Variants in ZNF385D observed in about 807,000 individuals in gnomAD.
ZNF385D encodes zinc finger protein 659.
In ZNF385D, 15 loss-of-function variants were observed where a neutral mutation model predicts 35.8. That is an observed-to-expected ratio of 0.42 (90% confidence interval 0.28 to 0.64). ZNF385D has a LOEUF of 0.64. Ranked by LOEUF, ZNF385D falls within the 30% of genes least tolerant of loss-of-function variation. The probability of loss-of-function intolerance (pLI) is 0.23; values close to 1 mark genes in which losing one functional copy is unlikely to be tolerated. For missense variants in ZNF385D, 474 were observed against 494.6 expected (o/e 0.96, Z 0.39); for synonymous variants, 212 against 186.8 (o/e 1.13, Z -1.10).
chr3:22,170,308 A>G (rs1694324871), intron 2 of ZNF385D, among the ~76,000 whole-genome samples: 1 of 152,226 alleles, frequency 6.6e-6, no homozygotes, highest in African/African-American at 2.4e-5. Flanking sequence ...TACAAAAGCC[A>G]TGGACTTTGG....
rs74499583 is a variant in ZNF385D at position 22,075,127 on chromosome 3, T to C, written c.325+93690A>G. On this transcript the variant is annotated intron_variant, in intron 3 of 5. Transcript: ENST00000494108. ...AGCTGGTATGGGATTGGCCCAAGCA[T>C]TGATACTTTCTAAATCTTTCCAAAA... Among the ~76,000 whole-genome samples the C allele has an allele frequency of 7.4e-4, 113 of 152,044 alleles. 1 individual carries two copies. The highest frequency in any genetic ancestry group is 2.4e-3 in the African/African-American group (100 of 41,528).
At chr3:21,981,550 A>C (rs1301357722) in intron 3 of ZNF385D, among the ~76,000 whole-genome samples, 1 of 152,098 alleles carries the variant, frequency 6.6e-6, no homozygotes, top group African/African-American at 2.4e-5. Context: ...TGCTGTGCAG[A>C]TGCTCTTAAC....
chr3:22,169,778 T>C (rs1164544028), intron 2 of ZNF385D, among the ~76,000 whole-genome samples: 1 of 152,142 alleles, frequency 6.6e-6, no homozygotes, highest in African/African-American at 2.4e-5. Flanking sequence ...AATTTCAGTA[T>C]CTCTGGCCTT....
intron 3 of ZNF385D, among the ~76,000 whole-genome samples, chr3:21,862,879 T>A (rs771086294): frequency 2.6e-5 from 4 of 152,164 alleles, no homozygotes; most frequent in African/African-American, 4.8e-5. Context: ...ACAAGTGGTC[T>A]CAGCTGTTTC....
chr3:21,869,663 AAC>A (rs917942974), intron 3 of ZNF385D, among the ~76,000 whole-genome samples: 66 of 152,276 alleles, frequency 4.3e-4, no homozygotes, highest in African/African-American at 1.2e-3. Flanking sequence ...AAAATAGCGT[AAC>A]ACAGTTAGCT....
chr3:22,224,434 C>G (rs1318009426), intron 2 of ZNF385D, among the ~76,000 whole-genome samples: 2 of 152,114 alleles, frequency 1.3e-5, no homozygotes, highest in Non-Finnish European at 2.9e-5. Context: ...GATTCTATCT[C>G]TCTGTATTAT....
At chr3:21,676,203 G>A (rs929890515) in intron 1 of ZNF385D, among the ~76,000 whole-genome samples, 13 of 152,050 alleles carry the variant, frequency 8.5e-5, no homozygotes, top group African/African-American at 3.1e-4. Context: ...TAGCTTCCAA[G>A]GTTTAGGAAC....
chr3:22,138,570 G>A (rs1704302047), intron 3 of ZNF385D, among the ~76,000 whole-genome samples: 2 of 151,152 alleles, frequency 1.3e-5, no homozygotes, highest in Non-Finnish European at 3.0e-5. Flanking sequence ...ATGGGGAAAG[G>A]ATTCCTTATT....
chr3:22,206,637 T>C lies in ZNF385D; in HGVS notation c.107-37602A>G, dbSNP rs150101105. 4.1e-4 allele frequency among the ~76,000 whole-genome samples: 63 copies of C among 151,960 alleles called. 1 individual carries two copies. The highest frequency in any genetic ancestry group is 1.2e-3 in the African/African-American group (49 of 41,520). ...ATAGCAAGCGGAAGTTTGAGAACTA[T>C]ACAAATGAGTGAAAATTAAACAATA... On this transcript the variant is annotated intron_variant, in intron 2 of 5. Transcript: ENST00000494108.
chr3:21,689,437 G>A (rs2067212171), intron 1 of ZNF385D, among the ~76,000 whole-genome samples: 1 of 152,130 alleles, frequency 6.6e-6, no homozygotes, highest in Non-Finnish European at 1.5e-5. Flanking sequence ...AGAACCTGCA[G>A]ATTGATTGGG....
At chr3:22,182,522 A>C (rs1695347033) in intron 2 of ZNF385D, among the ~76,000 whole-genome samples, 1 of 152,074 alleles carries the variant, frequency 6.6e-6, no homozygotes. Context: ...AGGGATCCAC[A>C]AATTACTCAG....
At chr3:21,825,958 G>A (rs1484521675) in intron 3 of ZNF385D, among the ~76,000 whole-genome samples, 1 of 152,186 alleles carries the variant, frequency 6.6e-6, no homozygotes, top group Non-Finnish European at 1.5e-5. Flanking sequence ...AACTGTGCAT[G>A]CGAGGGATCT....
At chr3:21,927,220 T>C (rs1004877022) in intron 3 of ZNF385D, among the ~76,000 whole-genome samples, 1 of 152,092 alleles carries the variant, frequency 6.6e-6, no homozygotes, top group Non-Finnish European at 1.5e-5. Context: ...CAGAAGCAAG[T>C]GTTGGTACCA....
At chr3:22,005,257 T>C (rs989220707) in intron 3 of ZNF385D, among the ~76,000 whole-genome samples, 11 of 151,774 alleles carry the variant, frequency 7.2e-5, no homozygotes, top group Admixed American at 2.6e-4. Context: ...CTAGTTAGAA[T>C]GGCTATTATT....
At chr3:21,432,415 C>T (rs1170244001) in intron 5 of ZNF385D, among the ~76,000 whole-genome samples, 1 of 152,040 alleles carries the variant, frequency 6.6e-6, no homozygotes, top group Non-Finnish European at 1.5e-5. Flanking sequence ...TCTGTCTAGA[C>T]ATATAAGACA....
chr3:22,061,295 G>C (rs1264206671), intron 3 of ZNF385D, among the ~76,000 whole-genome samples: 1 of 151,806 alleles, frequency 6.6e-6, no homozygotes, highest in Non-Finnish European at 1.5e-5. Context: ...AAATCCTTTG[G>C]GTTTATTCCT....
At chr3:22,006,349 C>T (rs931667437) in intron 3 of ZNF385D, among the ~76,000 whole-genome samples, 2 of 151,978 alleles carry the variant, frequency 1.3e-5, no homozygotes, top group Non-Finnish European at 2.9e-5. Context: ...GTCTGTGTTT[C>T]TACATGTTTT....
chr3:21,923,953 G>C (rs1315758976), intron 3 of ZNF385D, among the ~76,000 whole-genome samples: 2 of 152,196 alleles, frequency 1.3e-5, no homozygotes, highest in Non-Finnish European at 2.9e-5. Context: ...AATAAAAGTT[G>C]AAACGAAAAT....
At chr3:21,594,274 A>G (rs529379798) in intron 2 of ZNF385D, among the ~76,000 whole-genome samples, 1 of 152,256 alleles carries the variant, frequency 6.6e-6, no homozygotes, top group South Asian at 2.1e-4. Context: ...ATGGTTGTAG[A>G]GCTAGCTAAT....
Sources: allele counts gnomAD v4.1 joint callset (sites outside exome capture counted in the v4.1 genomes callset), GRCh38; gene constraint gnomAD v4.1.1; transcripts MANE v1.5; gene names NCBI Gene and HGNC (gene_info 2026-07-23, HGNC 2026-07-21).